NLGN1: variants seen among roughly 807,000 people sequenced by gnomAD.
NLGN1 encodes the protein neuroligin-1.
NLGN1 carries 12 observed loss-of-function variants against 65.5 expected under a neutral mutation model. The ratio of observed to expected loss-of-function variants is 0.18; its 90% CI spans 0.12 to 0.30. NLGN1 has a LOEUF of 0.30. Ranked by LOEUF, NLGN1 falls within the 10% of genes least tolerant of loss-of-function variation. The pLI is 1.00. For missense variants in NLGN1, 750 were observed against 1,007.1 expected (o/e 0.74, Z 3.46); for synonymous variants, 350 against 359.5 (o/e 0.97, Z 0.30).
chr3:174,230,086 A>C (rs770492887), intron 4 of NLGN1, among the ~76,000 whole-genome samples: 24 of 152,314 alleles, frequency 1.6e-4, no homozygotes, highest in Non-Finnish European at 2.8e-4. Context: ...TCACAGGTCC[A>C]TATATGGCAG....
At chr3:173,778,270 T>A (rs532930814) in intron 3 of NLGN1, among the ~76,000 whole-genome samples, 2 of 151,952 alleles carry the variant, frequency 1.3e-5, no homozygotes, top group Admixed American at 1.3e-4. Flanking sequence ...AGACCTCTTT[T>A]TTAGTTGAAA....
intron 2 of NLGN1, among the ~76,000 whole-genome samples, chr3:173,546,147 G>A (rs981677903): frequency 6.6e-6 from 1 of 152,086 alleles, no homozygotes; most frequent in Non-Finnish European, 1.5e-5. Flanking sequence ...ATGGAAAGGA[G>A]TTCAAATATA....
chr3:173,878,703 CAT>C (rs1732649562), intron 4 of NLGN1, among the ~76,000 whole-genome samples: 1 of 150,508 alleles, frequency 6.6e-6, no homozygotes, highest in Admixed American at 6.6e-5. Flanking sequence ...TATACACATA[CAT>C]ATATAAGTGT....
chr3:174,029,515 C>T (rs183501578), intron 4 of NLGN1, among the ~76,000 whole-genome samples: 1 of 152,112 alleles, frequency 6.6e-6, no homozygotes, highest in Admixed American at 6.5e-5. Context: ...TACAGGCTCA[C>T]AGGTGGAAGG....
chr3:174,041,649 G>A (rs1048087657), intron 4 of NLGN1, among the ~76,000 whole-genome samples: 1 of 152,062 alleles, frequency 6.6e-6, no homozygotes, highest in Non-Finnish European at 1.5e-5. Context: ...GGTGGGGTTT[G>A]GAGTGGTATC....
In NLGN1 at chr3:173,519,717, T is replaced by A. The variant is rs529502171; in HGVS notation, c.-320-84562T>A. On this transcript the variant is annotated intron_variant, in intron 2 of 6. Coordinates refer to ENST00000457714, the Ensembl canonical transcript of NLGN1. ...ATATTGGAGGTAACTATTTTTTTTTTTTTTATTTTACACCCTTTTAAGTGA... is the reference window on the plus strand; with the variant it reads ...ATATTGGAGGTAACTATTTTTTTTTATTTTATTTTACACCCTTTTAAGTGA... 3.0e-4 allele frequency among the ~76,000 whole-genome samples: 45 copies of A among 152,306 alleles called. No homozygotes were observed. In the South Asian group the frequency reaches 7.0e-3, roughly 24 times the overall value.
intron 4 of NLGN1, among the ~76,000 whole-genome samples, chr3:174,102,944 G>A (rs1253706903): frequency 6.6e-6 from 1 of 152,124 alleles, no homozygotes; most frequent in Non-Finnish European, 1.5e-5. Context: ...ATGAGATTCC[G>A]ACTTGAAGTA....
At chr3:173,846,030 C>T (rs1175666398) in intron 4 of NLGN1, among the ~76,000 whole-genome samples, 2 of 152,062 alleles carry the variant, frequency 1.3e-5, no homozygotes, top group Non-Finnish European at 2.9e-5. Context: ...ATCCTCCTGC[C>T]TCAGCCTTCT....
At chr3:173,397,011 T>TACC (rs1716734997), upstream of NLGN1, among the ~76,000 whole-genome samples, 1 of 152,154 alleles carries the variant, frequency 6.6e-6, no homozygotes, top group South Asian at 2.1e-4. Context: ...AATAAGTGTT[T>TACC]TAAACATCTG....
intron 1 of NLGN1, among the ~76,000 whole-genome samples, chr3:173,415,795 T>C (rs935341911): frequency 1.3e-5 from 2 of 151,932 alleles, no homozygotes; most frequent in African/African-American, 2.4e-5. Flanking sequence ...CAGAGGAGCC[T>C]CTGCCATTAA....
chr3:173,555,396 T>A (rs1403660586), intron 2 of NLGN1, among the ~76,000 whole-genome samples: 1 of 152,248 alleles, frequency 6.6e-6, no homozygotes, highest in Non-Finnish European at 1.5e-5. Context: ...TAGTAAGGAC[T>A]GATGTGTCTA....
At chr3:173,719,376 C>T (rs1770430599) in intron 3 of NLGN1, among the ~76,000 whole-genome samples, 1 of 152,116 alleles carries the variant, frequency 6.6e-6, no homozygotes, top group South Asian at 2.1e-4. Context: ...AGCTCTAGAC[C>T]TTCCTTTTGT....
intron 2 of NLGN1, among the ~76,000 whole-genome samples, chr3:173,584,398 C>CA (rs1746936560): frequency 1.7e-5 from 1 of 58,584 alleles, no homozygotes; most frequent in East Asian, 7.2e-4. Flanking sequence ...GGGTCCTCGG[C>CA]ATTTTTTTTT....
chr3:173,430,668 C>T (rs1347030914), intron 1 of NLGN1, among the ~76,000 whole-genome samples: 3 of 152,182 alleles, frequency 2.0e-5, no homozygotes, highest in South Asian at 2.1e-4. Flanking sequence ...AAAGTGTTTG[C>T]GTTATGAGGG....
chr3:174,142,124 T>C (rs1212772303), intron 4 of NLGN1, among the ~76,000 whole-genome samples: 1 of 152,200 alleles, frequency 6.6e-6, no homozygotes, highest in Non-Finnish European at 1.5e-5. Flanking sequence ...CATATACCTG[T>C]ACCTAAATAT....
rs758153927 is a variant in NLGN1 at position 173,604,835 on chromosome 3, A to T, written c.237A>T (p.Gln79His). The T allele has an allele frequency of 1.9e-6, 3 of 1,613,636 alleles. No homozygotes were observed. The South Asian group carries it at 3.3e-5, about 18-fold the overall frequency. The stretch of plus-strand genomic sequence containing the variant: ...ATGAAATTTTGGGGCCTGTTATTCA[A>T]TTTCTTGGGGTTCCATATGCAGCCC... The change falls in exon 3 of 7, where the codon CAA becomes CAT. Residue 79 changes from glutamine to histidine, a missense_variant. Coordinates refer to ENST00000457714, the Ensembl canonical transcript of NLGN1.
chr3:173,440,051 G>T (rs1165721393), intron 2 of NLGN1, among the ~76,000 whole-genome samples: 2 of 152,134 alleles, frequency 1.3e-5, no homozygotes, highest in African/African-American at 2.4e-5. Context: ...TATCAAGTAA[G>T]TTTATGTGAT....
chr3:173,821,040 A>T (rs1038392099), intron 4 of NLGN1, among the ~76,000 whole-genome samples: 3 of 152,112 alleles, frequency 2.0e-5, no homozygotes, highest in Admixed American at 6.6e-5. Flanking sequence ...CCTCACACCC[A>T]CTCATCTTTT....
chr3:173,957,184 A>G (rs1486597742), intron 4 of NLGN1, among the ~76,000 whole-genome samples: 2 of 152,170 alleles, frequency 1.3e-5, no homozygotes, highest in Non-Finnish European at 2.9e-5. Context: ...TCTTTCTGAG[A>G]AAATCAAATG....
Sources: gnomAD v4.1 joint callset for allele counts (sites outside exome capture counted in the v4.1 genomes callset) on GRCh38, gnomAD v4.1.1 for gene constraint, MANE v1.5 for transcripts, NCBI Gene and HGNC (gene_info 2026-07-23, HGNC 2026-07-21) for gene names.